Variants in CSMD1 observed in about 807,000 individuals in gnomAD.
CSMD1 encodes the protein CUB and Sushi multiple domains 1, also known as CUB and sushi domain-containing protein 1.
A neutral mutation model predicts 417.5 loss-of-function variants in CSMD1; 213 were observed. The observed-to-expected ratio is 0.51, with a 90% CI of 0.46 to 0.57. The LOEUF (loss-of-function observed/expected upper bound fraction) is 0.57. Among genes scored for constraint, CSMD1 ranks in the 20% least tolerant of loss-of-function variants. The pLI, the probability that CSMD1 is intolerant of heterozygous loss-of-function variation, is 0.00. For missense variants in CSMD1, 6,923 were observed against 4,529.7 expected (o/e 1.53, Z -15.17); for synonymous variants, 2,862 against 1,736.8 (o/e 1.65, Z -16.11).
rs567203813 is a variant in CSMD1 at position 4,905,892 on chromosome 8, T to A, written c.85+88440A>T. ...TATCCTTAAAATTATTATTCTCACA[T>A]CTAATTGCCTTTCTCAGAGCCACTC... On this transcript the variant is annotated intron_variant, in intron 1 of 69. Coordinates refer to ENST00000635120, the MANE Select transcript of CSMD1 (RefSeq NM_033225.6). Among the ~76,000 whole-genome samples, 7 of 149,680 alleles carry A rather than the reference T, an allele frequency of 4.7e-5. No homozygotes were observed. In the South Asian group the frequency reaches 1.5e-3, roughly 32 times the overall value.
intron 7 of CSMD1, among the ~76,000 whole-genome samples, chr8:3,663,873 G>C (rs557813244): frequency 6.6e-6 from 1 of 152,264 alleles, no homozygotes; most frequent in East Asian, 1.9e-4. Flanking sequence ...TTGTGTCACA[G>C]GCGCAACCTC....
intron 2 of CSMD1, among the ~76,000 whole-genome samples, chr8:4,445,232 T>A (rs900653380): frequency 1.3e-5 from 2 of 152,188 alleles, no homozygotes; most frequent in Non-Finnish European, 2.9e-5. Context: ...GTTTGACCAT[T>A]ATTTTTCTCT....
chr8:4,991,948 C>T (rs1811488428), intron 1 of CSMD1, among the ~76,000 whole-genome samples: 1 of 152,148 alleles, frequency 6.6e-6, no homozygotes, highest in Admixed American at 6.5e-5. Context: ...GACAATAGCG[C>T]AGTGAGAGCT....
intron 54 of CSMD1, among the ~76,000 whole-genome samples, chr8:2,987,163 G>C (rs1475902842): frequency 6.6e-6 from 1 of 151,860 alleles, no homozygotes; most frequent in African/African-American, 2.4e-5. Context: ...CTTATATTAA[G>C]GGCATTTAGC....
chr8:4,083,468 G>A (rs1252859075), intron 3 of CSMD1, among the ~76,000 whole-genome samples: 1 of 152,128 alleles, frequency 6.6e-6, no homozygotes, highest in Non-Finnish European at 1.5e-5. Flanking sequence ...AACCAAAACA[G>A]CATGGTACTG....
At chr8:3,296,853 G>T (rs11775853) in intron 25 of CSMD1, among the ~76,000 whole-genome samples, 12,441 of 152,206 alleles carry the variant, frequency 0.082, 668 homozygotes, top group Middle Eastern at 0.13. Context: ...TCTTGGACCT[G>T]TTGAGTTTAA....
intron 2 of CSMD1, among the ~76,000 whole-genome samples, chr8:4,432,507 T>C (rs1041330473): frequency 2.6e-5 from 4 of 152,166 alleles, no homozygotes; most frequent in African/African-American, 9.6e-5. Flanking sequence ...TAACTGCTGG[T>C]AAATGCTCGG....
intron 10 of CSMD1, among the ~76,000 whole-genome samples, chr8:3,550,161 A>G (rs1342344147): frequency 2.6e-5 from 4 of 152,198 alleles, no homozygotes; most frequent in Non-Finnish European, 5.9e-5. Flanking sequence ...TCTAGGAGCC[A>G]TGCTTCACCT....
intron 2 of CSMD1, among the ~76,000 whole-genome samples, chr8:4,436,957 T>A (rs1286147396): frequency 6.6e-6 from 1 of 152,132 alleles, no homozygotes; most frequent in African/African-American, 2.4e-5. Context: ...TTACCTAGAG[T>A]GTACAGTGCT....
At chr8:2,951,754 A>G (rs2128919916) in intron 65 of CSMD1, among the ~76,000 whole-genome samples, 1 of 152,314 alleles carries the variant, frequency 6.6e-6, no homozygotes, top group Non-Finnish European at 1.5e-5. Flanking sequence ...AAAAGCTTAC[A>G]TATCCCAGCA....
chr8:4,711,213 A>G (rs1415618168), intron 1 of CSMD1, among the ~76,000 whole-genome samples: 1 of 152,050 alleles, frequency 6.6e-6, no homozygotes, highest in African/African-American at 2.4e-5. Flanking sequence ...GCAAATTTGA[A>G]GTAAAAAATG....
chr8:4,624,986 C>T (rs1240498813), intron 2 of CSMD1, among the ~76,000 whole-genome samples: 1 of 152,096 alleles, frequency 6.6e-6, no homozygotes, highest in African/African-American at 2.4e-5. Flanking sequence ...TTTATCATCA[C>T]CTTATTCTTT....
chr8:4,457,779 C>T (rs1035540159), intron 2 of CSMD1, among the ~76,000 whole-genome samples: 1 of 152,162 alleles, frequency 6.6e-6, no homozygotes, highest in African/African-American at 2.4e-5. Flanking sequence ...CTGGCTGCTT[C>T]TCCCAAGTCC....
chr8:3,116,451 A>G (rs1046204903), intron 42 of CSMD1, among the ~76,000 whole-genome samples: 4 of 152,158 alleles, frequency 2.6e-5, no homozygotes, highest in African/African-American at 9.7e-5. Flanking sequence ...AACCATAATG[A>G]CAAGCATGAT....
rs149220203 is a variant in CSMD1, at chr8:3,732,011, G to T, written c.931+21919C>A. Reference sequence around the variant, plus strand: ...AAGAACAGCAGCAACATTGTAAGAAGAGCAGAATGCATGCTCTCCACATTT... The same window carrying T: ...AAGAACAGCAGCAACATTGTAAGAATAGCAGAATGCATGCTCTCCACATTT... On this transcript the variant is annotated intron_variant, in intron 6 of 69. Transcript: ENST00000635120. Among the ~76,000 whole-genome samples the T allele has an allele frequency of 6.2e-3, 949 of 151,864 alleles. 35 individuals are homozygous for T. The highest frequency in any genetic ancestry group is 0.053 in the Admixed American group (806 of 15,200).
At chr8:4,818,997 AT>A (rs1047148528) in intron 1 of CSMD1, among the ~76,000 whole-genome samples, 31 of 152,174 alleles carry the variant, frequency 2.0e-4, no homozygotes, top group African/African-American at 7.5e-4. Context: ...ATGAAAAAAA[AT>A]ATTAGCTATG....
chr8:3,542,485 G>C (rs1041402275), intron 10 of CSMD1, among the ~76,000 whole-genome samples: 1 of 152,176 alleles, frequency 6.6e-6, no homozygotes, highest in African/African-American at 2.4e-5. Flanking sequence ...TTCTCAGGCA[G>C]GGAAAAAGCA....
chr8:3,981,084 G>A (rs917727520), intron 5 of CSMD1, among the ~76,000 whole-genome samples: 1 of 152,122 alleles, frequency 6.6e-6, no homozygotes. Context: ...TTCCTTCCAA[G>A]GACTTGCTAT....
intron 2 of CSMD1, among the ~76,000 whole-genome samples, chr8:4,461,645 G>A (rs1409469911): frequency 6.6e-6 from 1 of 151,728 alleles, no homozygotes; most frequent in Non-Finnish European, 1.5e-5. Context: ...GTACCTCCTG[G>A]GCTCAAGCAA....
Sources: allele counts gnomAD v4.1 joint callset (sites outside exome capture counted in the v4.1 genomes callset), GRCh38; gene constraint gnomAD v4.1.1; transcripts MANE v1.5; gene names NCBI Gene and HGNC (gene_info 2026-07-23, HGNC 2026-07-21).